CSNK1G3: variants seen among roughly 807,000 people sequenced by gnomAD.
CSNK1G3 encodes casein kinase I isoform gamma-3.
Under a neutral mutation model 64.3 loss-of-function variants are expected in CSNK1G3, and 23 were observed. That is an observed-to-expected ratio of 0.36 (90% CI 0.26 to 0.51). CSNK1G3 has a LOEUF of 0.51. Among genes scored for constraint, CSNK1G3 ranks in the 20% least tolerant of loss-of-function variants. The pLI is 0.96. For missense variants in CSNK1G3, 357 were observed against 510.5 expected (o/e 0.70, Z 2.90); for synonymous variants, 158 against 162.2 (o/e 0.97, Z 0.20).
intron 1 of CSNK1G3, among the ~76,000 whole-genome samples, chr5:123,525,351 G>A (rs1227048263): frequency 6.8e-6 from 1 of 147,108 alleles, no homozygotes; most frequent in African/African-American, 2.5e-5. Context: ...TCACTCTGTC[G>A]CCCAGGTTGG....
intron 1 of CSNK1G3, among the ~76,000 whole-genome samples, chr5:123,525,232 T>C (rs1778827270): frequency 6.6e-6 from 1 of 152,040 alleles, no homozygotes; most frequent in African/African-American, 2.4e-5. Context: ...TTTTTTTTTT[T>C]AATTAGGGAG....
chr5:123,565,442 G>T (rs576692625), intron 4 of CSNK1G3, among the ~76,000 whole-genome samples: 6 of 152,274 alleles, frequency 3.9e-5, no homozygotes, highest in Non-Finnish European at 8.8e-5. Context: ...AAAAGATAGG[G>T]TGATACTGTG....
At chr5:123,598,501 G>C (rs1283161799) in intron 10 of CSNK1G3, among the ~76,000 whole-genome samples, 1 of 152,144 alleles carries the variant, frequency 6.6e-6, no homozygotes, top group Non-Finnish European at 1.5e-5. Flanking sequence ...TCTGGGGAAA[G>C]TGACATCTAA....
chr5:123,552,450 T>A (rs1015079020), intron 2 of CSNK1G3, among the ~76,000 whole-genome samples: 7 of 152,158 alleles, frequency 4.6e-5, no homozygotes, highest in East Asian at 1.9e-4. Context: ...GGCCATGATC[T>A]TCTTCTGCTC....
chr5:123,609,630 G>C (rs1795971196), intron 12 of CSNK1G3, among the ~76,000 whole-genome samples: 1 of 152,152 alleles, frequency 6.6e-6, no homozygotes, highest in South Asian at 2.1e-4. Flanking sequence ...TTTTGGGAGA[G>C]AGCAAATGGA....
exon 9 of CSNK1G3, chr5:123,590,466 G>T (rs1452583397): frequency 6.5e-7 from 1 of 1,530,280 alleles, no homozygotes; most frequent in Non-Finnish European, 8.8e-7. Context: ...TGAAAAACCA[G>T]ACTATGACTA....
At chr5:123,543,369 T>G (rs1489280389) in intron 1 of CSNK1G3, among the ~76,000 whole-genome samples, 1 of 152,136 alleles carries the variant, frequency 6.6e-6, no homozygotes, top group African/African-American at 2.4e-5. Context: ...AATAGGAACT[T>G]TAGAGTCTCT....
chr5:123,551,473 GTA>G (rs1420566549), intron 2 of CSNK1G3, among the ~76,000 whole-genome samples: 1 of 152,164 alleles, frequency 6.6e-6, no homozygotes, highest in Non-Finnish European at 1.5e-5. Context: ...TTTGCCAACT[GTA>G]TTGAGTTTAT....
chr5:123,587,525 G>A (rs1791551825), intron 6 of CSNK1G3, among the ~76,000 whole-genome samples: 1 of 152,182 alleles, frequency 6.6e-6, no homozygotes. Flanking sequence ...TTTTGTGATA[G>A]TGAAGGGGTT....
chr5:123,607,937 C>T (rs919350137), intron 12 of CSNK1G3, among the ~76,000 whole-genome samples: 33 of 152,212 alleles, frequency 2.2e-4, no homozygotes, highest in African/African-American at 7.9e-4. Context: ...CCCTCTTAAT[C>T]TGTGACTAAG....
intron 2 of CSNK1G3, among the ~76,000 whole-genome samples, chr5:123,549,642 C>G (rs1783255627): frequency 6.6e-6 from 1 of 152,190 alleles, no homozygotes; most frequent in African/African-American, 2.4e-5. Context: ...AATGCTTTGG[C>G]CTAGGCACTC....
At chr5:123,549,049 A>G (rs1056355782) in intron 2 of CSNK1G3, among the ~76,000 whole-genome samples, 3 of 152,244 alleles carry the variant, frequency 2.0e-5, no homozygotes, top group East Asian at 1.9e-4. Flanking sequence ...AATTCAAAGT[A>G]TGATTTCTAT....
intron 1 of CSNK1G3, among the ~76,000 whole-genome samples, chr5:123,517,311 G>T (rs1476282831): frequency 6.6e-6 from 1 of 152,118 alleles, no homozygotes; most frequent in Non-Finnish European, 1.5e-5. Flanking sequence ...CCCAGTTACT[G>T]TAGACTTACC....
rs1208125960 is a variant in CSNK1G3 at position 123,557,567 on chromosome 5, A to G, written c.289+3A>G. On this transcript the variant is annotated splice_donor_region_variant and intron_variant, in intron 4 of 12. Transcript: ENST00000345990. ...CTATAAGCAGTTAGGATCTGGAGGT[A>G]AAGTCTTATATTAATTTTTAAATTT... is the stretch of plus-strand genomic sequence containing the variant. 1.3e-6 allele frequency: 2 copies of G among 1,557,280 alleles called. No individual in the cohort carries two copies. Among genetic ancestry groups the G allele is most frequent in the East Asian group, 2.3e-5 (1 of 44,312 alleles).
chr5:123,531,462 G>A (rs566476639), intron 1 of CSNK1G3, among the ~76,000 whole-genome samples: 35 of 152,092 alleles, frequency 2.3e-4, no homozygotes, highest in African/African-American at 7.5e-4. Context: ...CAAATTAGAA[G>A]TATGCCAGTG....
intron 4 of CSNK1G3, among the ~76,000 whole-genome samples, 195 bp from the exon 5 acceptor site, chr5:123,573,198 C>T (rs1052991778): frequency 2.0e-5 from 3 of 152,098 alleles, no homozygotes; most frequent in Non-Finnish European, 2.9e-5. Context: ...AGAGGTGTAT[C>T]CAGGCTACAA....
intron 1 of CSNK1G3, among the ~76,000 whole-genome samples, chr5:123,537,543 A>G (rs1281944874): frequency 6.6e-6 from 1 of 152,182 alleles, no homozygotes; most frequent in Non-Finnish European, 1.5e-5. Context: ...GTATGTAACA[A>G]AATTGTATAT....
chr5:123,552,950 A>G (rs923419187), intron 2 of CSNK1G3, 157 bp from the exon 3 acceptor site: 2 of 436,538 alleles, frequency 4.6e-6, no homozygotes, highest in African/African-American at 4.2e-5. Flanking sequence ...GTTGATAATA[A>G]GTTTGAATAT....
chr5:123,523,200 C>T lies in CSNK1G3; in HGVS notation c.-248+10630C>T, dbSNP rs536178340. Among the ~76,000 whole-genome samples, 12 of 152,008 alleles carry T rather than the reference C, an allele frequency of 7.9e-5. No individual in the cohort carries two copies. The South Asian group carries it at 8.3e-4, about 11-fold the overall frequency. The stretch of plus-strand genomic sequence containing the variant: ...ATGAGGAACGGTCTCTGTTTATTCC[C>T]GCTCAGTGAAAAAATTTTACCTTAG... On this transcript the variant is annotated intron_variant, in intron 1 of 12. Coordinates refer to ENST00000345990, the Ensembl canonical transcript of CSNK1G3.
Sources: allele counts gnomAD v4.1 joint callset (sites outside exome capture counted in the v4.1 genomes callset), GRCh38; gene constraint gnomAD v4.1.1; transcripts MANE v1.5; gene names NCBI Gene and HGNC (gene_info 2026-07-23, HGNC 2026-07-21).